NAV3: variants seen among roughly 807,000 people sequenced by gnomAD.
NAV3 encodes pore membrane and/or filament interacting like protein 1.
A neutral mutation model predicts 244.7 loss-of-function variants in NAV3; 87 were observed. The observed-to-expected ratio is 0.36, with a 90% CI of 0.30 to 0.42. NAV3 has a LOEUF of 0.42. Among genes scored for constraint, NAV3 ranks in the 20% least tolerant of loss-of-function variants. NAV3 has a pLI of 1.00. For synonymous variants in NAV3, 1,126 were observed against 1,042.2 expected (o/e 1.08, Z -1.55); for missense variants, 2,663 against 2,893.3 (o/e 0.92, Z 1.83).
At chr12:77,677,596 T>G (rs1037151142) in intron 2 of NAV3, among the ~76,000 whole-genome samples, 1 of 152,200 alleles carries the variant, frequency 6.6e-6, no homozygotes, top group South Asian at 2.1e-4. Context: ...TACTCTAAAC[T>G]TCATTGTCTT....
At chr12:77,993,238 A>C (rs1180103520) in intron 5 of NAV3, among the ~76,000 whole-genome samples, 1 of 152,088 alleles carries the variant, frequency 6.6e-6, no homozygotes, top group African/African-American at 2.4e-5. Flanking sequence ...ATTGTCATCT[A>C]TTTTGCTAAT....
intron 2 of NAV3, among the ~76,000 whole-genome samples, chr12:77,788,261 G>C (rs1482820915): frequency 6.6e-6 from 1 of 152,172 alleles, no homozygotes; most frequent in African/African-American, 2.4e-5. Context: ...TATTCAGAAT[G>C]ATGTTGAGAT....
chr12:77,616,098 C>T (rs376105931), intron 2 of NAV3, among the ~76,000 whole-genome samples: 6 of 152,044 alleles, frequency 3.9e-5, no homozygotes, highest in Middle Eastern at 3.2e-3. Context: ...CAAACTATAT[C>T]GTATTCAGAC....
intron 29 of NAV3, among the ~76,000 whole-genome samples, chr12:78,180,372 G>A (rs1035481983): frequency 1.1e-4 from 16 of 152,008 alleles, no homozygotes; most frequent in East Asian, 3.9e-4. Flanking sequence ...TTAGTGTCCC[G>A]ATTGGAAGGA....
chr12:77,763,889 C>A (rs1338551018), intron 2 of NAV3, among the ~76,000 whole-genome samples: 1 of 152,176 alleles, frequency 6.6e-6, no homozygotes, highest in East Asian at 1.9e-4. Flanking sequence ...GATAGTACTA[C>A]AGATTTTGGC....
rs184716706 is a variant in NAV3 at position 77,959,752 on chromosome 12, G to T, written c.415-6477G>T. Among the ~76,000 whole-genome samples the T allele has an allele frequency of 1.5e-4, 22 of 151,076 alleles. No individual in the cohort carries two copies. In the East Asian group the frequency reaches 3.1e-3, roughly 21 times the overall value. ...CCCCACACATCATTTCAATTTTTAT[G>T]GACTATTGATTTTTCTAAATGTTAA... On this transcript the variant is annotated intron_variant, in intron 3 of 39. Transcript: ENST00000397909.
intron 39 of NAV3, among the ~76,000 whole-genome samples, chr12:78,207,748 GC>G (rs1960473062): frequency 6.6e-6 from 1 of 152,180 alleles, no homozygotes; most frequent in Non-Finnish European, 1.5e-5. Flanking sequence ...GCTAGATCAT[GC>G]TAAGCCTTGT....
chr12:77,593,699 C>T (rs540291755), intron 2 of NAV3, among the ~76,000 whole-genome samples: 77 of 147,022 alleles, frequency 5.2e-4, no homozygotes, highest in African/African-American at 1.9e-3. Flanking sequence ...TGGTATAGAT[C>T]TCCTGACCTC....
At chr12:77,846,105 G>C (rs893860225) in intron 1 of NAV3, among the ~76,000 whole-genome samples, 2 of 152,158 alleles carry the variant, frequency 1.3e-5, no homozygotes, top group Non-Finnish European at 2.9e-5. Flanking sequence ...GGCTTATGTA[G>C]CTGAGAAATG....
At chr12:78,000,824 A>G (rs1317391762) in intron 7 of NAV3, among the ~76,000 whole-genome samples, 2 of 151,170 alleles carry the variant, frequency 1.3e-5, no homozygotes, top group East Asian at 2.0e-4. Flanking sequence ...TAAAAATACA[A>G]AAAATTAGCC....
In NAV3 at chr12:78,118,095, A is replaced by G. The variant is rs1955501553; in HGVS notation, c.2838A>G (p.Lys946=). 3 of 1,613,952 alleles carry G rather than the reference A, an allele frequency of 1.9e-6. No homozygotes were observed. Among genetic ancestry groups the G allele is most frequent in the Non-Finnish European group, 2.5e-6 (3 of 1,180,024 alleles). ...GGGATAGTCCTGAGGAACTGAAAAA[A>G]CCAGAAGAAGATTTTGACAGCCATG... ...ETWDSPEELK[K]PEEDFDSHGD... is the part of the protein sequence containing the mutation. The change falls in exon 14 of 40, where the codon AAA becomes AAG. Residue 946 remains lysine, a synonymous_variant. Transcript: ENST00000397909.
chr12:77,942,160 G>A (rs1889931017), intron 3 of NAV3, among the ~76,000 whole-genome samples: 1 of 152,190 alleles, frequency 6.6e-6, no homozygotes, highest in South Asian at 2.1e-4. Flanking sequence ...ATGACCTGAG[G>A]TCGGGAGTTC....
rs2138603993 is a variant in NAV3 at position 78,119,333 on chromosome 12, G to C, written c.3137G>C (p.Gly1046Ala). ...CCTTCAGATGCAGGAAAAAGCAGTG[G>C]AGATGAAGGGAAAAAGCCCCCCTCA... ...RSPSDAGKSS[G>A]DEGKKPPSGI... Residue 1046 changes from glycine to alanine, a missense_variant, in exon 15 of 40, where the codon GGA becomes GCA. Physicochemically the swap from Gly to Ala is moderately conservative, Grantham distance 60 (BLOSUM62 0). This residue lies in a region of NAV3 where 1,521 missense variants were observed against 1,497.0 expected (regional missense o/e 1.02). Coordinates refer to ENST00000397909, the MANE Select transcript of NAV3 (RefSeq NM_001024383.2). The C allele has an allele frequency of 1.2e-6, 2 of 1,614,128 alleles. No homozygotes were observed. The highest frequency in any genetic ancestry group is 4.5e-5 in the East Asian group (2 of 44,870).
At chr12:78,100,588 A>G (rs1052723584) in intron 12 of NAV3, among the ~76,000 whole-genome samples, 1 of 152,018 alleles carries the variant, frequency 6.6e-6, no homozygotes, top group African/African-American at 2.4e-5. Flanking sequence ...TACCTTTAAT[A>G]TATTTGTAGC....
At chr12:77,988,165 G>A (rs151102449) in intron 5 of NAV3, among the ~76,000 whole-genome samples, 1,827 of 152,208 alleles carry the variant, frequency 0.012, 13 homozygotes, top group Middle Eastern at 0.054. Flanking sequence ...AATCACCTGC[G>A]GATTCTGTTT....
chr12:77,661,265 T>G (rs966693587), intron 2 of NAV3, among the ~76,000 whole-genome samples: 2 of 152,140 alleles, frequency 1.3e-5, no homozygotes, highest in Admixed American at 6.5e-5. Context: ...TCTCTTTATT[T>G]TAGTCATTCT....
intron 1 of NAV3, among the ~76,000 whole-genome samples, chr12:77,886,203 G>A (rs144090499): frequency 2.0e-5 from 3 of 152,208 alleles, no homozygotes; most frequent in South Asian, 2.1e-4. Flanking sequence ...GCACTACATG[G>A]CATATAAAAC....
At chr12:77,974,285 G>A (rs1034620166) in intron 5 of NAV3, among the ~76,000 whole-genome samples, 1 of 151,422 alleles carries the variant, frequency 6.6e-6, no homozygotes, top group Non-Finnish European at 1.5e-5. Flanking sequence ...TTGTTGTTTT[G>A]TTTTGTTTTG....
At chr12:77,945,690 A>T (rs1038194966) in intron 3 of NAV3, among the ~76,000 whole-genome samples, 9 of 152,108 alleles carry the variant, frequency 5.9e-5, no homozygotes, top group African/African-American at 2.2e-4. Flanking sequence ...ATTTTAGATA[A>T]TATTAATGTG....
Sources: allele counts gnomAD v4.1 joint callset (sites outside exome capture counted in the v4.1 genomes callset), GRCh38; gene constraint gnomAD v4.1.1; regional missense constraint gnomAD v4.1.1; transcripts MANE v1.5; gene names NCBI Gene and HGNC (gene_info 2026-07-23, HGNC 2026-07-21).